The following PUDP variants were observed in gnomAD, a reference collection of about 807,000 sequenced individuals.
The protein encoded by PUDP is pseudouridine-5'-phosphatase.
Under a neutral mutation model 9.4 loss-of-function variants are expected in PUDP, and 8 were observed. The observed-to-expected ratio is 0.85, with a 90% CI of 0.50 to 1.53. The LOEUF is 1.53. PUDP is among the 40% of genes most tolerant of loss of function. The pLI, the probability that PUDP is intolerant of heterozygous loss-of-function variation, is 0.00. For synonymous variants in PUDP, 99 were observed against 80.7 expected (o/e 1.23, Z -1.22); for missense variants, 188 against 189.7 (o/e 0.99, Z 0.05).
intron 3 of PUDP, among the ~76,000 whole-genome samples, chrX:6,728,095 CA>C (rs1315873449): frequency 2.7e-5 from 3 of 111,065 alleles, no homozygotes; most frequent in Non-Finnish European, 5.7e-5. Flanking sequence ...TGGCAGAAGG[CA>C]AAAGGCATGT....
chrX:6,759,508 G>T (rs1925205481), intron 3 of PUDP, among the ~76,000 whole-genome samples: 1 of 111,464 alleles, frequency 9.0e-6, no homozygotes, highest in African/African-American at 3.3e-5. Context: ...CCTGTGCATT[G>T]TAAGATGTTT....
chrX:7,050,759 C>CT (rs1197534600), intron 3 of PUDP, among the ~76,000 whole-genome samples: 1 of 112,339 alleles, frequency 8.9e-6, no homozygotes, highest in Non-Finnish European at 1.9e-5. Flanking sequence ...CAGCTTAAAA[C>CT]TTTATTATTT....
At chrX:6,827,036 G>A (rs1013228590) in intron 3 of PUDP, among the ~76,000 whole-genome samples, 1 of 112,142 alleles carries the variant, frequency 8.9e-6, no homozygotes, top group Admixed American at 9.4e-5. Context: ...TCTCCAGACA[G>A]CTGGATGCTC....
chrX:7,104,565 A>G (rs1054832218), intron 2 of PUDP, among the ~76,000 whole-genome samples: 1 of 112,090 alleles, frequency 8.9e-6, no homozygotes. Flanking sequence ...TCTGTGTCCT[A>G]CCACAATTAA....
intron 3 of PUDP, among the ~76,000 whole-genome samples, chrX:6,940,508 T>G (rs1042913048): frequency 4.5e-5 from 5 of 111,976 alleles, no homozygotes; most frequent in Admixed American, 1.9e-4. Flanking sequence ...AAGCACTCAC[T>G]CCAGCTTACC....
chrX:7,105,696 C>T lies in PUDP; in HGVS notation c.204G>A (p.Pro68=), dbSNP rs1353295367. ...AQIIIDVLQL[P]MSKEELVEES... is the part of the protein sequence containing the mutation. ...CTTCCACCAGCTCCTCTTTGGACAT[C>T]GGGAGCTGCAAGACGTCTATTATAA... is the stretch of plus-strand genomic sequence containing the variant. Residue 68 remains proline, a synonymous_variant, in exon 2 of 4, where the codon CCG becomes CCA. Transcript: ENST00000381077. 3.3e-6 allele frequency: 4 copies of T among 1,209,543 alleles called. No individual in the cohort carries two copies. The highest frequency in any genetic ancestry group is 2.2e-5 in the Admixed American group (1 of 45,894).
At chrX:6,870,602 T>A (rs1223235489) in intron 3 of PUDP, among the ~76,000 whole-genome samples, 1 of 112,439 alleles carries the variant, frequency 8.9e-6, no homozygotes, top group African/African-American at 3.2e-5. Context: ...CTCAGGTATG[T>A]CTTTATCAGC....
chrX:7,011,654 G>A (rs766639298), intron 1 of PUDP, among the ~76,000 whole-genome samples: 90 of 112,102 alleles, frequency 8.0e-4, no homozygotes, highest in Non-Finnish European at 1.3e-3. Context: ...GAAAAGGTGT[G>A]GGGAGCAGGC....
intron 1 of PUDP, among the ~76,000 whole-genome samples, chrX:7,125,057 T>G (rs1267044040): frequency 9.0e-6 from 1 of 110,630 alleles, no homozygotes; most frequent in East Asian, 2.8e-4. Context: ...AAATAAACTT[T>G]TAAACGTTTC....
At position 7,108,287 on chromosome X, in the gene PUDP, G is replaced by A. The variant is rs746867738; in HGVS notation, c.62-2449C>T. 2.7e-5 allele frequency among the ~76,000 whole-genome samples: 3 copies of A among 112,247 alleles called. No homozygotes were observed. The South Asian group carries it at 1.1e-3, about 42-fold the overall frequency. On this transcript the variant is annotated intron_variant, in intron 1 of 3. Coordinates refer to ENST00000381077, the MANE Select transcript of PUDP (RefSeq NM_012080.5). ...GCCACGGTGTGGACTTTGCCTCTGT[G>A]CACGCTTCTCTCCTGGTCCCAGGGC... is the stretch of plus-strand genomic sequence containing the variant.
intron 1 of PUDP, among the ~76,000 whole-genome samples, chrX:7,006,776 C>A (rs1401377833): frequency 9.0e-6 from 1 of 111,407 alleles, no homozygotes; most frequent in Non-Finnish European, 1.9e-5. Flanking sequence ...AGAATTTCAG[C>A]CTGATGACAG....
intron 3 of PUDP, among the ~76,000 whole-genome samples, chrX:6,844,339 T>C (rs1429236820): frequency 2.7e-5 from 3 of 112,978 alleles, no homozygotes; most frequent in Non-Finnish European, 5.6e-5. Flanking sequence ...AATTTGGTCA[T>C]GGACATCTTT....
chrX:6,991,576 G>T (rs1041374334), intron 1 of PUDP, among the ~76,000 whole-genome samples: 2 of 108,738 alleles, frequency 1.8e-5, no homozygotes, highest in Admixed American at 2.0e-4. Flanking sequence ...TTCTTGGGAG[G>T]CTGAGGCAGG....
chrX:6,900,923 A>G (rs1463468769), intron 3 of PUDP, among the ~76,000 whole-genome samples: 1 of 110,069 alleles, frequency 9.1e-6, no homozygotes, highest in Non-Finnish European at 1.9e-5. Context: ...GACTACAGGC[A>G]TGTGCCACCA....
chrX:6,711,764 G>A (rs1317970112), intron 1 of PUDP, among the ~76,000 whole-genome samples: 1 of 111,892 alleles, frequency 8.9e-6, no homozygotes, highest in Non-Finnish European at 1.9e-5. Context: ...TGGTCCACGT[G>A]GGGCTGCACA....
intron 3 of PUDP, among the ~76,000 whole-genome samples, chrX:6,938,786 CTTTT>C (rs764265665): frequency 2.8e-4 from 23 of 83,385 alleles, no homozygotes; most frequent in East Asian, 7.4e-4. Flanking sequence ...TTCTTTCTTT[CTTTT>C]TTTTTTTTTT....
intron 3 of PUDP, among the ~76,000 whole-genome samples, chrX:6,881,742 T>G (rs1269454053): frequency 9.0e-6 from 1 of 110,556 alleles, no homozygotes; most frequent in African/African-American, 3.3e-5. Context: ...GATGAGTGAC[T>G]TAAAGCCCCT....
chrX:6,986,727 C>G (rs1180349062), intron 1 of PUDP, among the ~76,000 whole-genome samples: 2 of 111,614 alleles, frequency 1.8e-5, no homozygotes, highest in Non-Finnish European at 3.8e-5. Flanking sequence ...CTGCTCTCTC[C>G]CCGGCTTCCA....
intron 3 of PUDP, among the ~76,000 whole-genome samples, chrX:6,927,403 T>G (rs1044228607): frequency 2.7e-5 from 3 of 112,477 alleles, no homozygotes; most frequent in Non-Finnish European, 5.6e-5. Context: ...GAAAAGAACA[T>G]TCTTATATTC....
Sources: allele counts gnomAD v4.1 joint callset (sites outside exome capture counted in the v4.1 genomes callset), GRCh38; gene constraint gnomAD v4.1.1; transcripts MANE v1.5; gene names NCBI Gene and HGNC (gene_info 2026-07-23, HGNC 2026-07-21).